The following HHIP variants were observed in gnomAD, a reference collection of about 807,000 sequenced individuals.
HHIP encodes hedgehog interacting protein.
HHIP carries 12 observed loss-of-function variants against 74.0 expected under a neutral mutation model. The observed-to-expected ratio is 0.16, with a 90% CI of 0.10 to 0.26. The LOEUF is 0.26. HHIP is among the 10% of genes least tolerant of loss of function. HHIP has a pLI of 1.00. For missense variants in HHIP, 788 were observed against 845.0 expected (o/e 0.93, Z 0.84); for synonymous variants, 309 against 311.6 (o/e 0.99, Z 0.09).
rs535053540 is a variant in HHIP at position 144,681,474 on chromosome 4, G to A, written c.831+21636G>A. ...AGAGTCTCGCTCCATCACCCAGGTT[G>A]GAGTGCAGTGGCGTAATCTCGGCTC... is the stretch of plus-strand genomic sequence containing the variant. On this transcript the variant is annotated intron_variant, in intron 4 of 12. Coordinates refer to ENST00000296575, the MANE Select transcript of HHIP (RefSeq NM_022475.3). Among the ~76,000 whole-genome samples the A allele has an allele frequency of 2.9e-5, 4 of 137,708 alleles. No individual in the cohort carries two copies. In the Admixed American group the frequency reaches 3.2e-4, roughly 11 times the overall value. 90.3% of individuals were successfully genotyped at this position (137,708 alleles called of 152,430 possible).
At chr4:144,675,595 T>C (rs1479364281) in intron 4 of HHIP, among the ~76,000 whole-genome samples, 1 of 152,124 alleles carries the variant, frequency 6.6e-6, no homozygotes, top group African/African-American at 2.4e-5. Context: ...GTATTTTTCA[T>C]TCTTTCCTAA....
intron 4 of HHIP, among the ~76,000 whole-genome samples, chr4:144,662,411 G>C (rs1487766899): frequency 6.6e-6 from 1 of 152,206 alleles, no homozygotes; most frequent in African/African-American, 2.4e-5. Context: ...AATTGTAGGA[G>C]ATTGTAGTAC....
rs1342164077 is a variant in HHIP at position 144,707,076 on chromosome 4, C to T, written c.984-11C>T. ...TAACAGTCATGGTATTGTTTTCTTC[C>T]CACAATGTAGAAAAAATCCACACCA... On this transcript the variant is annotated splice_polypyrimidine_tract_variant and intron_variant, in intron 5 of 12. Coordinates refer to ENST00000296575, the MANE Select transcript of HHIP (RefSeq NM_022475.3). The T allele has an allele frequency of 6.2e-7, 1 of 1,612,402 alleles. No homozygotes were observed.
chr4:144,707,379 T>G, intron 6 of HHIP, 119 bp downstream of exon 6: 1 of 778,900 alleles, frequency 1.3e-6, no homozygotes, highest in African/African-American at 1.8e-5. Flanking sequence ...GTTAAATACT[T>G]AACTTTTGTC....
rs1175794044 is a variant in HHIP at position 144,738,836 on chromosome 4, A to T, written c.*879A>T. The T allele has an allele frequency of 4.0e-6, 1 of 250,276 alleles. No homozygotes were observed. The highest frequency in any genetic ancestry group is 2.3e-5 in the African/African-American group (1 of 43,196). The allele number at this position is 250,276 out of a possible 1,614,324, so 15.5% of individuals were successfully genotyped here. ...GCAAACAGTCTTTAATGTGCTGTGGATCTAATCTAGCAAGGTATCCTTGTG... is the reference window on the plus strand; with the variant it reads ...GCAAACAGTCTTTAATGTGCTGTGGTTCTAATCTAGCAAGGTATCCTTGTG... On this transcript the variant is annotated 3_prime_UTR_variant, in exon 13 of 13. Transcript: ENST00000296575.
At chr4:144,711,105 G>T (rs1159088199) in intron 7 of HHIP, among the ~76,000 whole-genome samples, 1 of 152,180 alleles carries the variant, frequency 6.6e-6, no homozygotes, top group African/African-American at 2.4e-5. Context: ...CTGGCCCCCA[G>T]ATTAGGGATG....
intron 1 of HHIP, 48 bp from the exon 2 acceptor site, chr4:144,652,557 C>A: frequency 1.7e-6 from 2 of 1,162,114 alleles, no homozygotes; most frequent in Non-Finnish European, 2.5e-6. Flanking sequence ...ATAGCTAAAC[C>A]TAAATTTACC....
chr4:144,724,169 A>G (rs1247978371), intron 11 of HHIP, among the ~76,000 whole-genome samples: 1 of 152,228 alleles, frequency 6.6e-6, no homozygotes, highest in Non-Finnish European at 1.5e-5. Context: ...TTCATACTTT[A>G]GTAAGATTTG....
intron 4 of HHIP, among the ~76,000 whole-genome samples, chr4:144,684,516 TG>T (rs1234199043): frequency 6.6e-6 from 1 of 151,700 alleles, no homozygotes; most frequent in Admixed American, 6.6e-5. Context: ...CCCGACCTCG[TG>T]ATCCGCCCGC....
In HHIP at chr4:144,742,443, GT is replaced by G. The variant is rs1402369742; in HGVS notation, c.*4488del. 6 of 152,148 alleles carry G rather than the reference GT, an allele frequency of 3.9e-5. No homozygotes were observed. The highest frequency in any genetic ancestry group is 8.8e-5 in the Non-Finnish European group (6 of 68,028). The allele number at this position is 152,148 out of a possible 1,614,324, so 9.4% of individuals were successfully genotyped here. A position where few individuals can be genotyped will look rare whatever the true frequency, so the allele number is the denominator to read the frequency against. On this transcript the variant is annotated 3_prime_UTR_variant, in exon 13 of 13. Transcript: ENST00000296575. ...GAAAGACATGGAGAATAACACTGGG[GT>G]TAGCTAACAGCAGGGAAAGTTAGTA... is the stretch of plus-strand genomic sequence containing the variant.
At chr4:144,657,510 G>T (rs1490663556) in intron 2 of HHIP, among the ~76,000 whole-genome samples, 1 of 152,080 alleles carries the variant, frequency 6.6e-6, no homozygotes, top group Admixed American at 6.5e-5. Flanking sequence ...GACTGACTCT[G>T]GTAATACCGT....
chr4:144,663,526 T>C (rs1005746671), intron 4 of HHIP, among the ~76,000 whole-genome samples: 4 of 152,194 alleles, frequency 2.6e-5, no homozygotes, highest in African/African-American at 9.7e-5. Context: ...TAAGAGCAGG[T>C]GGTTGGATAC....
At chr4:144,688,681 T>C (rs763079616) in intron 4 of HHIP, among the ~76,000 whole-genome samples, 16 of 152,184 alleles carry the variant, frequency 1.1e-4, no homozygotes, top group Non-Finnish European at 2.2e-4. Context: ...TCAAAGAAAC[T>C]ATGTAAACTG....
At chr4:144,735,547 G>A (rs973121085) in intron 12 of HHIP, among the ~76,000 whole-genome samples, 4 of 152,078 alleles carry the variant, frequency 2.6e-5, no homozygotes, top group African/African-American at 9.7e-5. Context: ...GTTCTACTTG[G>A]TGTGAAGTCA....
At chr4:144,692,182 T>C (rs1729691559) in intron 4 of HHIP, among the ~76,000 whole-genome samples, 1 of 152,242 alleles carries the variant, frequency 6.6e-6, no homozygotes, top group Non-Finnish European at 1.5e-5. Context: ...GAAGTTATCA[T>C]GCCTTTACAA....
chr4:144,652,740 C>T lies in HHIP; in HGVS notation c.415C>T (p.Leu139=). 6.2e-7 allele frequency: 1 copy of T among 1,612,718 alleles called. No homozygotes were observed. The highest frequency in any genetic ancestry group is 1.7e-5 in the Admixed American group (1 of 59,818). ...EVLERDLVLP[L]LCKDYCKEFF... ...CTTGGAAAGAGACCTAGTACTTCCTCTGCTCTGCAAAGACTATTGCAAAGA... is the reference window on the plus strand; with the variant it reads ...CTTGGAAAGAGACCTAGTACTTCCTTTGCTCTGCAAAGACTATTGCAAAGA... Residue 139 remains leucine (L), a synonymous_variant, in exon 2 of 13, where the codon CTG becomes TTG. Transcript: ENST00000296575.
chr4:144,658,804 A>G lies in HHIP; in HGVS notation c.487A>G (p.Thr163Ala). The G allele has an allele frequency of 6.2e-7, 1 of 1,612,134 alleles. No individual in the cohort carries two copies. The highest frequency in any genetic ancestry group is 8.5e-7 in the Non-Finnish European group (1 of 1,179,080). The change falls in exon 3 of 13, where the codon ACT becomes GCT. Residue 163 changes from threonine (T) to alanine (A), a missense_variant. By Grantham distance (58) the Thr-to-Ala change is moderately conservative. This residue lies in a region of HHIP where 373 missense variants were observed against 366.4 expected (regional missense o/e 1.02). Coordinates refer to ENST00000296575, the MANE Select transcript of HHIP (RefSeq NM_022475.3). ...RGHIPGFLQT[T>A]ADEFCFYYAR... ...ATTTTTTAAAGGTTTCCTTCAAACA[A>G]CTGCGGATGAGTTTTGCTTTTACTA...
At chr4:144,694,209 C>T (rs941287786) in intron 4 of HHIP, among the ~76,000 whole-genome samples, 3 of 151,660 alleles carry the variant, frequency 2.0e-5, no homozygotes, top group Admixed American at 2.0e-4. Context: ...TTTAAAGTAC[C>T]GTAATTGTTA....
chr4:144,672,899 A>G (rs1729079673), intron 4 of HHIP, among the ~76,000 whole-genome samples: 2 of 151,972 alleles, frequency 1.3e-5, no homozygotes, highest in African/African-American at 4.8e-5. Flanking sequence ...ACAGGGTTTC[A>G]CCATATTGGC....
Sources: gnomAD v4.1 joint callset for allele counts (sites outside exome capture counted in the v4.1 genomes callset) on GRCh38, gnomAD v4.1.1 for gene constraint, gnomAD v4.1.1 regional missense constraint, MANE v1.5 for transcripts, NCBI Gene and HGNC (gene_info 2026-07-23, HGNC 2026-07-21) for gene names.